Variants in MCC observed in about 807,000 individuals in gnomAD.
The protein encoded by MCC is MCC regulator of Wnt signaling pathway.
A neutral mutation model predicts 116.2 loss-of-function variants in MCC; 90 were observed. The observed-to-expected ratio is 0.77, with a 90% CI of 0.65 to 0.92. MCC has a LOEUF of 0.92. Among genes scored for constraint, MCC ranks in the 40% least tolerant of loss-of-function variants. The probability of loss-of-function intolerance (pLI) is 0.00; values close to 1 mark genes in which losing one functional copy is unlikely to be tolerated. For synonymous variants in MCC, 578 were observed against 510.5 expected (o/e 1.13, Z -1.78); for missense variants, 1,516 against 1,312.2 (o/e 1.16, Z -2.40).
At chr5:113,253,799 T>C (rs1230241160) in intron 3 of MCC, among the ~76,000 whole-genome samples, 3 of 152,094 alleles carry the variant, frequency 2.0e-5, no homozygotes, top group African/African-American at 7.2e-5. Flanking sequence ...TCAAAGATAT[T>C]AGAAAACACA....
At chr5:113,252,444 G>T (rs1246340318) in intron 3 of MCC, among the ~76,000 whole-genome samples, 1 of 152,150 alleles carries the variant, frequency 6.6e-6, no homozygotes, top group Admixed American at 6.5e-5. Flanking sequence ...GAGGGATCTA[G>T]GTTGCAAGCT....
chr5:113,442,785 G>A (rs747979845), intron 1 of MCC, among the ~76,000 whole-genome samples: 1 of 152,104 alleles, frequency 6.6e-6, no homozygotes, highest in Non-Finnish European at 1.5e-5. Context: ...CTTGTGTCAG[G>A]TTTGTCAAAG....
At chr5:113,131,152 T>G (rs867204066) in intron 5 of MCC, among the ~76,000 whole-genome samples, 1 of 152,232 alleles carries the variant, frequency 6.6e-6, no homozygotes, top group Admixed American at 6.5e-5. Context: ...CTCATGAGAC[T>G]TGGTAGTGAG....
At chr5:113,034,882 G>T (rs148684622) in intron 17 of MCC, among the ~76,000 whole-genome samples, 1 of 152,186 alleles carries the variant, frequency 6.6e-6, no homozygotes, top group East Asian at 1.9e-4. Context: ...GCCTGATTTC[G>T]TTCTGCTTCA....
intron 3 of MCC, among the ~76,000 whole-genome samples, chr5:113,308,994 T>C (rs1767070192): frequency 6.6e-6 from 1 of 152,180 alleles, no homozygotes; most frequent in African/African-American, 2.4e-5. Context: ...ATTTTGAATA[T>C]TATTCCTGGA....
chr5:113,333,079 T>A (rs1047901708), intron 3 of MCC, among the ~76,000 whole-genome samples: 1 of 151,526 alleles, frequency 6.6e-6, no homozygotes, highest in African/African-American at 2.4e-5. Context: ...ATGGTTGATA[T>A]GAAAAAAGGG....
intron 14 of MCC, among the ~76,000 whole-genome samples, chr5:113,061,328 T>C (rs1209151970): frequency 1.3e-5 from 2 of 152,186 alleles, no homozygotes; most frequent in South Asian, 4.1e-4. Context: ...CCTTTGTGGA[T>C]TGAGATCGAT....
At chr5:113,154,782 C>T (rs1760081115) in intron 3 of MCC, among the ~76,000 whole-genome samples, 1 of 152,138 alleles carries the variant, frequency 6.6e-6, no homozygotes, top group African/African-American at 2.4e-5. Context: ...AATATTTATA[C>T]ATATTTATGG....
At chr5:113,040,750 T>A (rs913965911) in intron 17 of MCC, among the ~76,000 whole-genome samples, 2 of 152,210 alleles carry the variant, frequency 1.3e-5, no homozygotes, top group Non-Finnish European at 2.9e-5. Context: ...TTTACCTCTG[T>A]AAGTTTGTTC....
intron 16 of MCC, chr5:113,048,669 T>C: frequency 3.6e-6 from 1 of 277,996 alleles, no homozygotes; most frequent in Non-Finnish European, 6.6e-6. Context: ...GTAGAATATA[T>C]AAGGGTTCAG....
rs116266286 is a variant in MCC at position 113,225,751 on chromosome 5, G to C, written c.628-74329C>G. ...AAACACAGGCTCACAGGCATCCCAG[G>C]AAGCAGTGAGAACAATGGAATGTCA... On this transcript the variant is annotated intron_variant, in intron 3 of 18. Transcript: ENST00000408903. Among the ~76,000 whole-genome samples the C allele has an allele frequency of 3.7e-3, 569 of 152,324 alleles. 3 individuals carry two copies. The highest frequency in any genetic ancestry group is 0.013 in the African/African-American group (524 of 41,578).
chr5:113,258,588 A>G (rs1211406073), intron 3 of MCC, among the ~76,000 whole-genome samples: 2 of 152,256 alleles, frequency 1.3e-5, no homozygotes, highest in African/African-American at 4.8e-5. Context: ...GAGGTAGAAC[A>G]GTTTCATCCC....
intron 1 of MCC, among the ~76,000 whole-genome samples, chr5:113,415,439 C>T (rs1285431402): frequency 5.9e-5 from 9 of 152,258 alleles, no homozygotes; most frequent in East Asian, 1.9e-4. Context: ...CACATAGTCC[C>T]GTATTTCTTG....
At chr5:113,146,808 G>A (rs1026862293) in intron 4 of MCC, among the ~76,000 whole-genome samples, 2 of 152,132 alleles carry the variant, frequency 1.3e-5, no homozygotes, top group Non-Finnish European at 2.9e-5. Flanking sequence ...CAAATAATAT[G>A]CTACTGCTTT....
At chr5:113,132,016 T>C (rs1330900800) in intron 5 of MCC, among the ~76,000 whole-genome samples, 2 of 152,328 alleles carry the variant, frequency 1.3e-5, no homozygotes, top group Non-Finnish European at 2.9e-5. Flanking sequence ...CTTGATTCAA[T>C]TTAAATAGGT....
chr5:113,232,831 G>A (rs1000940374), intron 3 of MCC, among the ~76,000 whole-genome samples: 1 of 152,092 alleles, frequency 6.6e-6, no homozygotes, highest in African/African-American at 2.4e-5. Flanking sequence ...GATGGTCTGG[G>A]CTTAAAGCCA....
Position 113,230,670 on chromosome 5 carries a change from A to G in MCC, c.628-79248T>C, listed in dbSNP as rs571189689. Among the ~76,000 whole-genome samples, 3 of 152,302 alleles carry G rather than the reference A, an allele frequency of 2.0e-5. No homozygotes were observed. In the South Asian group the frequency reaches 6.2e-4, roughly 32 times the overall value. On this transcript the variant is annotated intron_variant, in intron 3 of 18. Coordinates refer to ENST00000408903, the MANE Select transcript of MCC (RefSeq NM_001085377.2). ...ATTTGGAAAAAGGTTTACTCTTCCT[A>G]TATTTGGAGGATACAAGTTAATGTA...
Sources: allele counts gnomAD v4.1 joint callset (sites outside exome capture counted in the v4.1 genomes callset), GRCh38; gene constraint gnomAD v4.1.1; transcripts MANE v1.5; gene names NCBI Gene and HGNC (gene_info 2026-07-23, HGNC 2026-07-21).